SHANK1: variants seen among roughly 807,000 people sequenced by gnomAD.
SHANK1 encodes SH3 and multiple ankyrin repeat domains 1.
A neutral mutation model predicts 165.6 loss-of-function variants in SHANK1; 35 were observed. The ratio of observed to expected loss-of-function variants is 0.21; its 90% confidence interval spans 0.16 to 0.28. SHANK1 has a LOEUF of 0.28. SHANK1 is among the 10% of genes least tolerant of loss of function. The probability of loss-of-function intolerance (pLI) is 1.00; values close to 1 mark genes in which losing one functional copy is unlikely to be tolerated. For synonymous variants in SHANK1, 1,428 were observed against 1,384.8 expected (o/e 1.03, Z -0.69); for missense variants, 2,681 against 3,036.4 (o/e 0.88, Z 2.75).
chr19:50,695,251 G>C (rs969255908), intron 15 of SHANK1, among the ~76,000 whole-genome samples: 1 of 145,014 alleles, frequency 6.9e-6, no homozygotes, highest in Non-Finnish European at 1.5e-5. Flanking sequence ...TCACATGCCG[G>C]GGGGCGCGGG....
At position 50,666,510 on chromosome 19, in the gene SHANK1, G is replaced by A. The variant is rs1342002755; in HGVS notation, c.5450C>T (p.Ala1817Val). 2 of 1,586,670 alleles carry A rather than the reference G, an allele frequency of 1.3e-6. No homozygotes were observed. The highest frequency in any genetic ancestry group is 1.3e-5 in the African/African-American group (1 of 74,636). The part of the protein sequence containing the change: ...PTAGVAGGPV[A>V]VEPEVPPVPL... ...CACCGGTGGGACTTCTGGCTCTACA[G>A]CCACCGGACCCCCCGCCACGCCTGC... The change falls in exon 23 of 24, where the codon GCT becomes GTT. Residue 1817 changes from alanine to valine, a missense_variant. This residue lies in a region of SHANK1 where 1,713 missense variants were observed against 1,630.2 expected (regional missense o/e 1.05). Coordinates refer to ENST00000293441, the MANE Select transcript of SHANK1 (RefSeq NM_016148.5).
intron 19 of SHANK1, among the ~76,000 whole-genome samples, chr19:50,687,251 G>A (rs929480304): frequency 6.6e-6 from 1 of 152,026 alleles, no homozygotes; most frequent in African/African-American, 2.4e-5. Context: ...TTGGGGGTTG[G>A]GGGGAGCTGG....
At chr19:50,665,902 A>ATGCCTGAAATCCCAGCTACT in intron 23 of SHANK1, among the ~76,000 whole-genome samples, 1 of 135,746 alleles carries the variant, frequency 7.4e-6, no homozygotes, top group South Asian at 2.5e-4. Flanking sequence ...GTGTGGTGGC[A>ATGCCTGAAATCCCAGCTACT]TGGGAGGCTG....
intron 23 of SHANK1, among the ~76,000 whole-genome samples, chr19:50,664,979 G>A (rs1032471808): frequency 4.6e-5 from 7 of 152,046 alleles, no homozygotes; most frequent in Non-Finnish European, 5.9e-5. Context: ...GGATGGTCTC[G>A]ATCTTCTGAC....
At chr19:50,676,739 A>G (rs943232123) in intron 21 of SHANK1, among the ~76,000 whole-genome samples, 1 of 152,120 alleles carries the variant, frequency 6.6e-6, no homozygotes, top group Middle Eastern at 3.4e-3. Flanking sequence ...TTTCTACTCT[A>G]TTTCCTTGGT....
intron 15 of SHANK1, among the ~76,000 whole-genome samples, chr19:50,692,292 T>G (rs1023856326): frequency 1.3e-5 from 2 of 151,930 alleles, no homozygotes; most frequent in African/African-American, 4.8e-5. Context: ...ACTTTGCATT[T>G]ATATATTTCC....
rs1986333788 is a variant in SHANK1 at position 50,686,330 on chromosome 19, T to G, written c.2484A>C (p.Ala828=). ...CGCTTGCACTGATGGTCTGTTGAGC[T>G]GCGGCCAGGATTTCGTCCAGTTTGT... ...ALNKLDEILA[A]AQQTISASES... Residue 828 remains alanine (A), a synonymous_variant, in exon 21 of 24, where the codon GCA becomes GCC. Coordinates refer to ENST00000293441, the MANE Select transcript of SHANK1 (RefSeq NM_016148.5). This position sits in a 1 kb window ranked among gnomAD's most constrained non-coding sequence, Gnocchi z 5.7. 1 of 1,602,880 alleles carries G rather than the reference T, an allele frequency of 6.2e-7. No homozygotes were observed. The highest frequency in any genetic ancestry group is 8.5e-7 in the Non-Finnish European group (1 of 1,174,476).
rs117926072 is a variant in SHANK1, at chr19:50,690,886, C to G, written c.1965-1607G>C. 0.014 allele frequency among the ~76,000 whole-genome samples: 2,151 copies of G among 152,236 alleles called. 14 individuals carry two copies. Among genetic ancestry groups the G allele is most frequent in the Non-Finnish European group, 0.024 (1,614 of 68,020 alleles). Reference sequence around the variant, plus strand: ...CCACCCCCACAAGCACCCCTGTATGCTCCCAGGACCCCCATGGCTCCCCTT... The same window carrying G: ...CCACCCCCACAAGCACCCCTGTATGGTCCCAGGACCCCCATGGCTCCCCTT... On this transcript the variant is annotated intron_variant, in intron 15 of 23. Coordinates refer to ENST00000293441, the MANE Select transcript of SHANK1 (RefSeq NM_016148.5). The surrounding 1 kb of genome is among the most constrained non-coding windows in gnomAD (Gnocchi z 4.9).
At position 50,702,045 on chromosome 19, in the gene SHANK1, G is replaced by A. The variant is rs1373648354; in HGVS notation, c.1747+422C>T. Among the ~76,000 whole-genome samples, 1 of 152,214 alleles carries A rather than the reference G, an allele frequency of 6.6e-6. No individual in the cohort carries two copies. The highest frequency in any genetic ancestry group is 1.5e-5 in the Non-Finnish European group (1 of 68,038). On this transcript the variant is annotated intron_variant, in intron 12 of 23. Coordinates refer to ENST00000293441, the MANE Select transcript of SHANK1 (RefSeq NM_016148.5). This position sits in a 1 kb window ranked among gnomAD's most constrained non-coding sequence, Gnocchi z 5.3. ...CAGGAGGCAAAGTTAAGGCTGCTCG[G>A]CCTCACGCTCTGCACCAGGTGGCAG...
In SHANK1 at chr19:50,662,011, T is replaced by C; in HGVS notation, c.6440A>G (p.His2147Arg). 1 of 1,614,094 alleles carries C rather than the reference T, an allele frequency of 6.2e-7. No homozygotes were observed. Among genetic ancestry groups the C allele is most frequent in the African/African-American group, 1.3e-5 (1 of 75,000 alleles). ...GAGAGCCCGGTCGATGTTCATGCGG[T>C]GGCCCACCCTGGTCACACCTAGATC... ...YVDLGVTRVG[H>R]RMNIDRALKF... is the part of the protein sequence containing the mutation. The change falls in exon 24 of 24, where the codon CAC becomes CGC. Residue 2147 changes from histidine (H) to arginine (R), a missense_variant. Transcript: ENST00000293441. The surrounding 1 kb of genome is among the most constrained non-coding windows in gnomAD (Gnocchi z 7.7).
rs913216256 is a variant in SHANK1 at position 50,716,594 on chromosome 19, C to A, written c.255+71G>T. On this transcript the variant is annotated intron_variant, in intron 2 of 23. Coordinates refer to ENST00000293441, the MANE Select transcript of SHANK1 (RefSeq NM_016148.5). The surrounding 1 kb of genome is among the most constrained non-coding windows in gnomAD (Gnocchi z 8.4). ...GGGTGATTCCTGGGAGGATACCCAGCACCAGTGGACTCCCCATGTCGGTTG... is the reference window on the plus strand; with the variant it reads ...GGGTGATTCCTGGGAGGATACCCAGAACCAGTGGACTCCCCATGTCGGTTG... The A allele has an allele frequency of 7.2e-5, 112 of 1,553,928 alleles. No individual in the cohort carries two copies. In the East Asian group the frequency reaches 2.5e-3, roughly 35 times the overall value.
At chr19:50,665,171 G>A (rs1985427038) in intron 23 of SHANK1, among the ~76,000 whole-genome samples, 1 of 152,186 alleles carries the variant, frequency 6.6e-6, no homozygotes, top group Non-Finnish European at 1.5e-5. Context: ...GCTTACACCT[G>A]TAATCACACT....
At chr19:50,689,042 C>T in intron 16 of SHANK1, 74 bp from the exon 17 acceptor site, 2 of 1,232,518 alleles carry the variant, frequency 1.6e-6, no homozygotes, top group Non-Finnish European at 2.3e-6. Context: ...GGGCTCAGAC[C>T]CAAGTCACGG....
chr19:50,692,951 C>T (rs979744281), intron 15 of SHANK1, among the ~76,000 whole-genome samples: 2 of 150,092 alleles, frequency 1.3e-5, no homozygotes, highest in Admixed American at 6.7e-5. Flanking sequence ...CCTTGTCCTG[C>T]GACCTCTCCC....
At chr19:50,672,576 A>AAAAAG (rs1568430018) in intron 21 of SHANK1, among the ~76,000 whole-genome samples, 29 of 151,140 alleles carry the variant, frequency 1.9e-4, no homozygotes, top group African/African-American at 4.4e-4. Flanking sequence ...AAAAAAAAAA[A>AAAAAG]AAAAGAAAAG....
At chr19:50,708,236 C>T (rs1295853761) in intron 8 of SHANK1, among the ~76,000 whole-genome samples, 4 of 152,056 alleles carry the variant, frequency 2.6e-5, no homozygotes, top group African/African-American at 2.4e-5. Context: ...TGAGGCACCG[C>T]GCCTGGCTTT....
Position 50,666,747 on chromosome 19 carries a change from C to T in SHANK1, c.5213G>A (p.Gly1738Glu), listed in dbSNP as rs1273987625. ...YVAYLDGQAFGGSSTPGPPYP... is the reference protein window; with the variant it reads ...YVAYLDGQAFEGSSTPGPPYP... The stretch of plus-strand genomic sequence containing the variant: ...TGGCGGGCCGGGAGTACTGCTGCCC[C>T]CAAAGGCCTGGCCGTCCAGGTAGGC... The change falls in exon 23 of 24, where the codon GGG becomes GAG. Residue 1738 changes from glycine to glutamate, a missense_variant. This residue lies in a region of SHANK1 where 1,713 missense variants were observed against 1,630.2 expected (regional missense o/e 1.05). Coordinates refer to ENST00000293441, the MANE Select transcript of SHANK1 (RefSeq NM_016148.5). 4 of 1,562,160 alleles carry T rather than the reference C, an allele frequency of 2.6e-6. No individual in the cohort carries two copies. In the African/African-American group the frequency reaches 4.1e-5, roughly 16 times the overall value.
rs1027688853 is a variant in SHANK1 at position 50,689,000 on chromosome 19, G to A, written c.2048-32C>T. ...ACAGGGAGGAGCCGGCGGGGTCGGA[G>A]GGGAGGGGGTGGAGAGGCCGAGCAG... On this transcript the variant is annotated intron_variant, in intron 16 of 23. Coordinates refer to ENST00000293441, the MANE Select transcript of SHANK1 (RefSeq NM_016148.5). This position sits in a 1 kb window ranked among gnomAD's most constrained non-coding sequence, Gnocchi z 6.7. The A allele has an allele frequency of 7.4e-6, 11 of 1,484,898 alleles. No individual in the cohort carries two copies. The highest frequency in any genetic ancestry group is 1.4e-5 in the African/African-American group (1 of 71,870). The allele number at this position is 1,484,898 out of a possible 1,614,324, so 92.0% of individuals were successfully genotyped here.
chr19:50,678,788 G>A (rs1229702717), intron 21 of SHANK1, among the ~76,000 whole-genome samples: 11 of 35,570 alleles, frequency 3.1e-4, no homozygotes, highest in African/African-American at 4.1e-4. Context: ...AGGGGTCAGG[G>A]TGATGGGGAG....
Sources: allele counts gnomAD v4.1 joint callset (sites outside exome capture counted in the v4.1 genomes callset), GRCh38; gene constraint gnomAD v4.1.1; regional missense constraint gnomAD v4.1.1; non-coding constraint Gnocchi (gnomAD v3.1); transcripts MANE v1.5; gene names NCBI Gene and HGNC (gene_info 2026-07-23, HGNC 2026-07-21).